PLEKHA5: variants seen among roughly 807,000 people sequenced by gnomAD.
The protein encoded by PLEKHA5 is pleckstrin homology domain-containing family A member 5.
In PLEKHA5, 55 loss-of-function variants were observed where a neutral mutation model predicts 181.9. The observed-to-expected ratio is 0.30, with a 90% confidence interval of 0.24 to 0.38. The LOEUF (loss-of-function observed/expected upper bound fraction) is 0.38. PLEKHA5 is among the 10% of genes least tolerant of loss of function. The pLI is 1.00. For synonymous variants in PLEKHA5, 535 were observed against 529.4 expected, an observed-to-expected ratio of 1.01 and a Z score of -0.15; for missense variants, 1,432 against 1,549.5, an observed-to-expected ratio of 0.92 and a Z score of 1.27.
At chr12:19,360,377 G>A (rs1004441643) in intron 28 of PLEKHA5, among the ~76,000 whole-genome samples, 3 of 151,928 alleles carry the variant, frequency 2.0e-5, no homozygotes, top group Admixed American at 6.6e-5. Context: ...AGGCCAAGGC[G>A]AGTGGATCAC....
chr12:19,200,448 A>G lies in PLEKHA5; in HGVS notation c.228-53492A>G, dbSNP rs984056198. ...CTAATACTAGTTGACAAAACAGCAT[A>G]TTCTAAACTGATTGTCTTCGTTATC... On this transcript the variant is annotated intron_variant, in intron 3 of 31. Transcript: ENST00000429027. The G allele has an allele frequency of 6.9e-6, 10 of 1,450,830 alleles. No individual in the cohort carries two copies. In the Admixed American group the frequency reaches 1.1e-4, roughly 15 times the overall value. The allele number at this position is 1,450,830 out of a possible 1,614,324, so 89.9% of individuals were successfully genotyped here.
At chr12:19,287,970 T>C in intron 13 of PLEKHA5, 1 of 216,118 alleles carries the variant, frequency 4.6e-6, no homozygotes. Flanking sequence ...CCCAGCTACT[T>C]GGGAGGCTGA....
chr12:19,370,447 A>T (rs555888895), intron 31 of PLEKHA5, among the ~76,000 whole-genome samples: 2 of 152,298 alleles, frequency 1.3e-5, no homozygotes, highest in East Asian at 3.9e-4. Flanking sequence ...CTTTCTAGAC[A>T]ATTGCTAATT....
intron 21 of PLEKHA5, among the ~76,000 whole-genome samples, chr12:19,337,016 T>C (rs1193033269): frequency 6.7e-6 from 1 of 149,200 alleles, no homozygotes; most frequent in Non-Finnish European, 1.5e-5. Context: ...AGACAGAGTT[T>C]TGCTCTTGTT....
At chr12:19,306,402 G>A in intron 15 of PLEKHA5, 1 of 546,906 alleles carries the variant, frequency 1.8e-6, no homozygotes, top group South Asian at 1.5e-5. Context: ...CGTGCAGTGG[G>A]GTAGAGAAAA....
chr12:19,162,304 A>C (rs1481036164), intron 3 of PLEKHA5, among the ~76,000 whole-genome samples: 2 of 152,180 alleles, frequency 1.3e-5, no homozygotes, highest in Non-Finnish European at 2.9e-5. Context: ...TCATGTAAAC[A>C]TAGAAGGCAG....
At chr12:19,262,760 T>A (rs2068888242) in intron 7 of PLEKHA5, among the ~76,000 whole-genome samples, 1 of 152,160 alleles carries the variant, frequency 6.6e-6, no homozygotes, top group Admixed American at 6.6e-5. Flanking sequence ...CTGAACATAG[T>A]ACCAACTGGG....
chr12:19,346,055 A>G (rs1311570220), intron 23 of PLEKHA5, among the ~76,000 whole-genome samples, 167 bp downstream of exon 23: 2 of 152,084 alleles, frequency 1.3e-5, no homozygotes, highest in African/African-American at 4.8e-5. Context: ...GGTGCTTCTA[A>G]TATGTGATTT....
At chr12:19,351,490 G>A (rs2094590889) in intron 25 of PLEKHA5, among the ~76,000 whole-genome samples, 1 of 152,086 alleles carries the variant, frequency 6.6e-6, no homozygotes, top group African/African-American at 2.4e-5. Flanking sequence ...TAACATCTTT[G>A]TTTTGTTCTG....
At chr12:19,372,780 T>C (rs2095616264) in intron 31 of PLEKHA5, 1 of 151,080 alleles carries the variant, frequency 6.6e-6, no homozygotes, top group Admixed American at 6.6e-5. Context: ...TTTTCTTTTT[T>C]TTTTTTTTGT....
intron 15 of PLEKHA5, among the ~76,000 whole-genome samples, chr12:19,304,446 C>T (rs1592399808): frequency 6.6e-6 from 1 of 152,094 alleles, no homozygotes; most frequent in East Asian, 1.9e-4. Context: ...AATCTAGATC[C>T]AATATTTGTG....
chr12:19,229,584 C>T lies in PLEKHA5; in HGVS notation c.228-24356C>T, dbSNP rs557601327. Among the ~76,000 whole-genome samples, 112 of 152,056 alleles carry T rather than the reference C, an allele frequency of 7.4e-4. 1 individual carries two copies. Among genetic ancestry groups the T allele is most frequent in the Non-Finnish European group, 1.4e-3 (92 of 68,000 alleles). ...CCTCAGGAGTGAAGCTACAGACCTT[C>T]GCAGTGAGTGTTACAGCTCATAGAG... is the stretch of plus-strand genomic sequence containing the variant. On this transcript the variant is annotated intron_variant, in intron 3 of 31. Transcript: ENST00000429027.
intron 3 of PLEKHA5, among the ~76,000 whole-genome samples, chr12:19,139,454 C>T (rs1387513946): frequency 1.3e-5 from 2 of 152,178 alleles, no homozygotes; most frequent in African/African-American, 4.8e-5. Context: ...ACCTAAATGA[C>T]TATCTAGCTA....
intron 25 of PLEKHA5, among the ~76,000 whole-genome samples, chr12:19,349,682 G>T (rs1317899587): frequency 6.6e-6 from 1 of 150,612 alleles, no homozygotes; most frequent in Non-Finnish European, 1.5e-5. Context: ...CGAGGTGGGC[G>T]GATCACCTGA....
intron 3 of PLEKHA5, among the ~76,000 whole-genome samples, chr12:19,178,077 A>C (rs2047719413): frequency 6.6e-6 from 1 of 152,038 alleles, no homozygotes; most frequent in African/African-American, 2.4e-5. Context: ...GTGTGCTGTG[A>C]TTAGGTTTCT....
intron 26 of PLEKHA5, among the ~76,000 whole-genome samples, chr12:19,354,599 G>C (rs1161177326): frequency 6.7e-6 from 1 of 148,916 alleles, no homozygotes; most frequent in African/African-American, 2.5e-5. Flanking sequence ...TCCTGCCTCA[G>C]CCTCCCAAGT....
intron 20 of PLEKHA5, among the ~76,000 whole-genome samples, chr12:19,328,680 T>C (rs1410783394): frequency 6.6e-6 from 1 of 151,992 alleles, no homozygotes; most frequent in Non-Finnish European, 1.5e-5. Context: ...TTTTTGTACA[T>C]TGATTTTGTG....
At chr12:19,306,380 C>T (rs1337541550) in intron 15 of PLEKHA5, 1 of 513,790 alleles carries the variant, frequency 1.9e-6, no homozygotes, top group Non-Finnish European at 3.8e-6. Flanking sequence ...GCTCTCTTCC[C>T]CTCCCCCGCG....
chr12:19,366,197 A>G (rs1331621534), intron 30 of PLEKHA5, 88 bp downstream of exon 30: 1 of 1,120,378 alleles, frequency 8.9e-7, no homozygotes, highest in Non-Finnish European at 1.3e-6. Context: ...TAAGAAGGGA[A>G]TCGCTTAAGT....
Sources: allele counts gnomAD v4.1 joint callset (sites outside exome capture counted in the v4.1 genomes callset), GRCh38; gene constraint gnomAD v4.1.1; transcripts MANE v1.5; gene names NCBI Gene and HGNC (gene_info 2026-07-23, HGNC 2026-07-21).